The following TTYH1 variants were observed in gnomAD, a reference collection of about 807,000 sequenced individuals.
The protein encoded by TTYH1 is tweety family member 1.
In TTYH1, 33 loss-of-function variants were observed where a neutral mutation model predicts 61.2. The observed-to-expected ratio is 0.54, with a 90% confidence interval of 0.41 to 0.72. The LOEUF is 0.72. TTYH1 is among the 30% of genes least tolerant of loss of function. TTYH1 has a pLI of 0.00. For missense variants in TTYH1, 538 were observed against 575.8 expected (o/e 0.93, Z 0.67); for synonymous variants, 308 against 266.4 (o/e 1.16, Z -1.52).
rs2083554414 is a variant in TTYH1, at chr19:54,436,406, A to G, written c.*116A>G. The G allele has an allele frequency of 1.1e-5, 18 of 1,612,156 alleles. No individual in the cohort carries two copies. Among genetic ancestry groups the G allele is most frequent in the Non-Finnish European group, 1.5e-5 (18 of 1,178,408 alleles). On this transcript the variant is annotated 3_prime_UTR_variant, in exon 14 of 14. Transcript: ENST00000376530. The surrounding 1 kb of genome is among the most constrained non-coding windows in gnomAD (Gnocchi z 4.3). The stretch of plus-strand genomic sequence containing the variant: ...GCTCTGACCACTAACACTCTTGGCC[A>G]TGGACAGCCTGCACAGGACCGCCTC...
intron 8 of TTYH1, 89 bp downstream of exon 8, chr19:54,430,694 G>T: frequency 6.3e-7 from 1 of 1,576,134 alleles, no homozygotes; most frequent in Non-Finnish European, 8.7e-7. Flanking sequence ...CTGGGGCCTG[G>T]ACTCCTGGGT....
chr19:54,431,335 A>G, intron 10 of TTYH1, 144 bp downstream of exon 10: 1 of 632,820 alleles, frequency 1.6e-6, no homozygotes, highest in South Asian at 1.8e-5. Context: ...TATCTGTCCT[A>G]TATCTATTCT....
rs761903931 is a variant in TTYH1 at position 54,415,597 on chromosome 19, C to T, written c.45C>T (p.Leu15=). The T allele has an allele frequency of 6.5e-7, 1 of 1,548,116 alleles. No homozygotes were observed. The highest frequency in any genetic ancestry group is 8.7e-7 in the Non-Finnish European group (1 of 1,154,222). Reference sequence around the variant, plus strand: ...ACCGGCCCTCAGCTTGGGTGCATCTCCTCCACCAGCTGCCCCGCGCCGACT... The same window carrying T: ...ACCGGCCCTCAGCTTGGGTGCATCTTCTCCACCAGCTGCCCCGCGCCGACT... The part of the protein sequence containing the change: ...PGYRPSAWVH[L]LHQLPRADFQ... The change falls in exon 1 of 14, where the codon CTC becomes CTT. Residue 15 remains leucine, a synonymous_variant. Coordinates refer to ENST00000376530, the MANE Select transcript of TTYH1 (RefSeq NM_020659.4). The surrounding 1 kb of genome is among the most constrained non-coding windows in gnomAD (Gnocchi z 5.2).
chr19:54,435,377 C>G lies in TTYH1; in HGVS notation c.1126-165C>G, dbSNP rs3745422. On this transcript the variant is annotated intron_variant, in intron 10 of 13. Coordinates refer to ENST00000376530, the MANE Select transcript of TTYH1 (RefSeq NM_020659.4). Reference sequence around the variant, plus strand: ...TATCACACCAAAGACCCCACTGTACCCACTGTATTCTCAGAACTGCCCTTT... The same window carrying G: ...TATCACACCAAAGACCCCACTGTACGCACTGTATTCTCAGAACTGCCCTTT... 4.7e-4 allele frequency among the ~76,000 whole-genome samples: 72 copies of G among 152,200 alleles called. No homozygotes were observed. The East Asian group carries it at 0.012, about 24-fold the overall frequency.
At chr19:54,430,432 G>A (rs999385711) in intron 7 of TTYH1, 118 bp from the exon 8 acceptor site, 37 of 1,105,094 alleles carry the variant, frequency 3.3e-5, no homozygotes, top group Non-Finnish European at 4.5e-5. Flanking sequence ...AGGCCATCGG[G>A]CTCCAGGGCT....
At position 54,420,939 on chromosome 19, in the gene TTYH1, A is replaced by C; in HGVS notation, c.306-338A>C. ...GGAAGGGTGTGGGGCAGGCAGTCCT[A>C]GGGAGGGGAAGACGGCCCATCCCGG... On this transcript the variant is annotated intron_variant, in intron 2 of 13. Coordinates refer to ENST00000376530, the MANE Select transcript of TTYH1 (RefSeq NM_020659.4). This position sits in a 1 kb window ranked among gnomAD's most constrained non-coding sequence, Gnocchi z 4.8. 1 of 401,664 alleles carries C rather than the reference A, an allele frequency of 2.5e-6. No individual in the cohort carries two copies. 24.9% of individuals were successfully genotyped at this position (401,664 alleles called of 1,614,324 possible). A position where few individuals can be genotyped will look rare whatever the true frequency, so the allele number is the denominator to read the frequency against.
At position 54,416,226 on chromosome 19, in the gene TTYH1, C is replaced by G; in HGVS notation, c.126+548C>G. On this transcript the variant is annotated intron_variant, in intron 1 of 13. Coordinates refer to ENST00000376530, the MANE Select transcript of TTYH1 (RefSeq NM_020659.4). The surrounding 1 kb of genome is among the most constrained non-coding windows in gnomAD (Gnocchi z 7.0). The stretch of plus-strand genomic sequence containing the variant: ...ACCAGGGCTGGAAAATGAAGGGGCT[C>G]TGGGAGAGGAAGCTTCTTGCCCGTC... 2 of 419,832 alleles carry G rather than the reference C, an allele frequency of 4.8e-6. No individual in the cohort carries two copies. The highest frequency in any genetic ancestry group is 4.5e-6 in the Non-Finnish European group (1 of 223,066). The allele number at this position is 419,832 out of a possible 1,614,324, so 26.0% of individuals were successfully genotyped here.
At chr19:54,417,726 A>G (rs1468364520) in intron 1 of TTYH1, among the ~76,000 whole-genome samples, 1 of 151,694 alleles carries the variant, frequency 6.6e-6, no homozygotes, top group African/African-American at 2.4e-5. Context: ...CTACACACAC[A>G]TGCACACACA....
rs971414474 is a variant in TTYH1 at position 54,429,183 on chromosome 19, T to A, written c.735-124T>A. The A allele has an allele frequency of 3.5e-6, 3 of 864,960 alleles. No individual in the cohort carries two copies. Among genetic ancestry groups the A allele is most frequent in the Middle Eastern group, 2.3e-4 (1 of 4,400 alleles). 53.6% of individuals were successfully genotyped at this position (864,960 alleles called of 1,614,324 possible). A position where few individuals can be genotyped will look rare whatever the true frequency, so the allele number is the denominator to read the frequency against. On this transcript the variant is annotated intron_variant, in intron 5 of 13. Transcript: ENST00000376530. This position sits in a 1 kb window ranked among gnomAD's most constrained non-coding sequence, Gnocchi z 5.1. ...ACCACTGAACTTGTGTTTCCCTAAT[T>A]CTGATCCTCCAGGCTCCAGAGGTGG...
intron 1 of TTYH1, among the ~76,000 whole-genome samples, chr19:54,417,477 C>T (rs1294547055): frequency 6.6e-6 from 1 of 151,990 alleles, no homozygotes; most frequent in South Asian, 2.1e-4. Flanking sequence ...ATACAACACA[C>T]GCATATAGAC....
intron 5 of TTYH1, among the ~76,000 whole-genome samples, chr19:54,428,957 G>T (rs534678065): frequency 3.3e-5 from 5 of 152,320 alleles, no homozygotes; most frequent in African/African-American, 9.6e-5. Context: ...CAGAGCCAGA[G>T]GCTGATCAGG....
chr19:54,435,184 G>A (rs1367174586), intron 10 of TTYH1: 3 of 238,638 alleles, frequency 1.3e-5, no homozygotes, highest in Non-Finnish European at 2.4e-5. Context: ...TGAAGATGGA[G>A]GAGAGGGCCC....
Position 54,416,281 on chromosome 19 carries a change from C to A in TTYH1, c.126+603C>A. 3.2e-6 allele frequency: 1 copy of A among 312,120 alleles called. No individual in the cohort carries two copies. Among genetic ancestry groups the A allele is most frequent in the Non-Finnish European group, 6.6e-6 (1 of 150,632 alleles). The allele number at this position is 312,120 out of a possible 1,614,324, so 19.3% of individuals were successfully genotyped here. ...GAAAGAAGGGGTGGTCAGGGCGCTGCAGGGGTGAGGGCCGAGATGAGGCTG... is the reference window on the plus strand; with the variant it reads ...GAAAGAAGGGGTGGTCAGGGCGCTGAAGGGGTGAGGGCCGAGATGAGGCTG... On this transcript the variant is annotated intron_variant, in intron 1 of 13. Coordinates refer to ENST00000376530, the MANE Select transcript of TTYH1 (RefSeq NM_020659.4). This position sits in a 1 kb window ranked among gnomAD's most constrained non-coding sequence, Gnocchi z 7.0.
At chr19:54,424,419 C>T (rs1332737085) in intron 4 of TTYH1, among the ~76,000 whole-genome samples, 1 of 152,254 alleles carries the variant, frequency 6.6e-6, no homozygotes, top group African/African-American at 2.4e-5. Context: ...GGGAGGCCTT[C>T]CGGGATGCTG....
chr19:54,426,474 G>A, intron 4 of TTYH1, 199 bp from the exon 5 acceptor site: 1 of 612,156 alleles, frequency 1.6e-6, no homozygotes, highest in Non-Finnish European at 3.0e-6. Context: ...CCGCTCCAGT[G>A]TCCTGTCTCA....
intron 1 of TTYH1, chr19:54,418,249 T>C (rs933061995): frequency 6.6e-6 from 1 of 152,302 alleles, no homozygotes. Flanking sequence ...TGCAAGGCTC[T>C]GCCCACCGCA....
intron 4 of TTYH1, 106 bp from the exon 5 acceptor site, chr19:54,426,567 G>A: frequency 4.7e-6 from 4 of 856,782 alleles, no homozygotes; most frequent in Non-Finnish European, 7.8e-6. Context: ...GGTGGTGAAT[G>A]TGAGGCTGAG....
In TTYH1 at chr19:54,436,017, C is replaced by T. The variant is rs1236898568; in HGVS notation, c.1315-74C>T. 3.2e-6 allele frequency: 5 copies of T among 1,580,888 alleles called. No homozygotes were observed. In the African/African-American group the frequency reaches 6.7e-5, roughly 21 times the overall value. ...ACTCCTGGGTCTGAGGGAGGAGGGG[C>T]TGGGGTCCCACAGTACAAAGCCAAT... On this transcript the variant is annotated intron_variant, in intron 12 of 13. Coordinates refer to ENST00000376530, the MANE Select transcript of TTYH1 (RefSeq NM_020659.4). This position sits in a 1 kb window ranked among gnomAD's most constrained non-coding sequence, Gnocchi z 4.3.
In TTYH1 at chr19:54,419,377, G is replaced by A. The variant is rs983228136; in HGVS notation, c.305+71G>A. ...AAGCTCTTTGCTGGCCTTCCTGGGG[G>A]TGTCCTCCGGGGACATGGAGGAAGC... is the stretch of plus-strand genomic sequence containing the variant. On this transcript the variant is annotated intron_variant, in intron 2 of 13. Coordinates refer to ENST00000376530, the MANE Select transcript of TTYH1 (RefSeq NM_020659.4). The surrounding 1 kb of genome is among the most constrained non-coding windows in gnomAD (Gnocchi z 6.1). The A allele has an allele frequency of 1.6e-5, 23 of 1,478,166 alleles. No individual in the cohort carries two copies. The African/African-American group carries it at 3.2e-4, about 20-fold the overall frequency. 91.6% of individuals were successfully genotyped at this position (1,478,166 alleles called of 1,614,324 possible).
Sources: allele counts gnomAD v4.1 joint callset (sites outside exome capture counted in the v4.1 genomes callset), GRCh38; gene constraint gnomAD v4.1.1; non-coding constraint Gnocchi (gnomAD v3.1); transcripts MANE v1.5; gene names NCBI Gene and HGNC (gene_info 2026-07-23, HGNC 2026-07-21).